The following HS6ST3 variants were observed in gnomAD, a reference collection of about 807,000 sequenced individuals.
HS6ST3 encodes heparan sulfate 6-O-sulfotransferase 3.
In HS6ST3, 12 loss-of-function variants were observed where a neutral mutation model predicts 36.7. That is an observed-to-expected ratio of 0.33 (90% CI 0.21 to 0.53). The LOEUF (loss-of-function observed/expected upper bound fraction) is 0.53. HS6ST3 is among the 20% of genes least tolerant of loss of function. HS6ST3 has a pLI of 0.95. For missense variants in HS6ST3, 584 were observed against 640.9 expected, an observed-to-expected ratio of 0.91 and a Z score of 0.96; for synonymous variants, 240 against 257.5, an observed-to-expected ratio of 0.93 and a Z score of 0.65.
chr13:96,784,498 A>G (rs1877595920), intron 1 of HS6ST3, among the ~76,000 whole-genome samples: 1 of 152,240 alleles, frequency 6.6e-6, no homozygotes. Flanking sequence ...GTGTTCAACA[A>G]GAGCATGATA....
At chr13:96,350,893 A>T (rs891855789) in intron 1 of HS6ST3, among the ~76,000 whole-genome samples, 1 of 152,216 alleles carries the variant, frequency 6.6e-6, no homozygotes, top group Non-Finnish European at 1.5e-5. Flanking sequence ...CTTCCTGTCC[A>T]TCCAATTTCA....
intron 1 of HS6ST3, among the ~76,000 whole-genome samples, chr13:96,093,400 T>G (rs2053774741): frequency 6.6e-6 from 1 of 152,180 alleles, no homozygotes; most frequent in African/African-American, 2.4e-5. Context: ...AGGAAATACT[T>G]AATATCTCTA....
chr13:96,362,698 A>G (rs2055244209), intron 1 of HS6ST3, among the ~76,000 whole-genome samples: 1 of 152,230 alleles, frequency 6.6e-6, no homozygotes, highest in East Asian at 1.9e-4. Context: ...AAAAACCTGC[A>G]CATGAATTTT....
At chr13:96,256,854 A>G (rs7987636) in intron 1 of HS6ST3, among the ~76,000 whole-genome samples, 86,307 of 151,812 alleles carry the variant, frequency 0.57, 24,873 homozygotes, top group Admixed American at 0.67. Context: ...AACCAGTATC[A>G]TTTTGAGAGT....
At chr13:96,204,266 A>G (rs2054358411) in intron 1 of HS6ST3, among the ~76,000 whole-genome samples, 1 of 152,226 alleles carries the variant, frequency 6.6e-6, no homozygotes, top group East Asian at 1.9e-4. Flanking sequence ...AGAGCATAAC[A>G]TAATGGTAAA....
At chr13:96,202,047 C>A (rs1427806599) in intron 1 of HS6ST3, among the ~76,000 whole-genome samples, 2 of 152,124 alleles carry the variant, frequency 1.3e-5, no homozygotes, top group Non-Finnish European at 2.9e-5. Flanking sequence ...TAATATAGAT[C>A]TGTTTTAAAA....
intron 1 of HS6ST3, among the ~76,000 whole-genome samples, chr13:96,094,684 A>G (rs966885882): frequency 2.0e-5 from 3 of 152,146 alleles, no homozygotes; most frequent in Non-Finnish European, 2.9e-5. Flanking sequence ...AAAGAAATAC[A>G]TGGCAAACTT....
chr13:96,500,111 A>G (rs922767554), intron 1 of HS6ST3, among the ~76,000 whole-genome samples: 11 of 152,070 alleles, frequency 7.2e-5, no homozygotes, highest in African/African-American at 2.7e-4. Context: ...TCCTCTGGCA[A>G]CCACCGATCG....
chr13:96,563,933 C>G (rs185238417), intron 1 of HS6ST3, among the ~76,000 whole-genome samples: 3 of 152,276 alleles, frequency 2.0e-5, no homozygotes, highest in Non-Finnish European at 4.4e-5. Context: ...CTAGACTTTT[C>G]TCCCGCTTCT....
At chr13:96,755,508 G>GTGCCA (rs1421940552) in intron 1 of HS6ST3, among the ~76,000 whole-genome samples, 1 of 152,054 alleles carries the variant, frequency 6.6e-6, no homozygotes, top group African/African-American at 2.4e-5. Context: ...GAGATTACAG[G>GTGCCA]TGCCAGCCAC....
rs537081625 is a variant in HS6ST3, at chr13:96,665,403, A to C, written c.708-167087A>C. ...CAGTCTAGTAGTGAAGGAGTACTAA[A>C]AATAGGAAAATAACTAACTCATTTT... On this transcript the variant is annotated intron_variant, in intron 1 of 1. Transcript: ENST00000376705. Among the ~76,000 whole-genome samples the C allele has an allele frequency of 2.6e-5, 4 of 152,274 alleles. No individual in the cohort carries two copies. In the East Asian group the frequency reaches 7.7e-4, roughly 29 times the overall value.
chr13:96,565,926 G>C (rs1376374367), intron 1 of HS6ST3, among the ~76,000 whole-genome samples: 1 of 152,094 alleles, frequency 6.6e-6, no homozygotes, highest in Non-Finnish European at 1.5e-5. Context: ...GAAATATACA[G>C]ACAGAGGAAA....
chr13:96,094,056 C>A (rs1451976875), intron 1 of HS6ST3, among the ~76,000 whole-genome samples: 1 of 152,124 alleles, frequency 6.6e-6, no homozygotes, highest in African/African-American at 2.4e-5. Context: ...GAGATCAATG[C>A]CCTTATGGAT....
intron 1 of HS6ST3, among the ~76,000 whole-genome samples, chr13:96,502,374 T>TC (rs397783925): frequency 1.3e-5 from 2 of 151,156 alleles, no homozygotes; most frequent in African/African-American, 2.4e-5. Context: ...TTTTTTTTTT[T>TC]CATCTGGCAG....
At chr13:96,512,444 T>A (rs1217620218) in intron 1 of HS6ST3, among the ~76,000 whole-genome samples, 1 of 152,226 alleles carries the variant, frequency 6.6e-6, no homozygotes, top group Non-Finnish European at 1.5e-5. Context: ...TTGGAACTCT[T>A]GATTGTGGCT....
chr13:96,269,870 G>A (rs181832961), intron 1 of HS6ST3, among the ~76,000 whole-genome samples: 8 of 151,924 alleles, frequency 5.3e-5, no homozygotes, highest in South Asian at 4.1e-4. Flanking sequence ...TTGTCTTTTC[G>A]TTGAGCCCAG....
chr13:96,792,990 A>G (rs1347923443), intron 1 of HS6ST3, among the ~76,000 whole-genome samples: 1 of 152,026 alleles, frequency 6.6e-6, no homozygotes, highest in Non-Finnish European at 1.5e-5. Flanking sequence ...GAGATGACTA[A>G]CAGTTGCTTC....
chr13:96,717,901 A>G lies in HS6ST3; in HGVS notation c.708-114589A>G, dbSNP rs201800204. On this transcript the variant is annotated intron_variant, in intron 1 of 1. Coordinates refer to ENST00000376705, the MANE Select transcript of HS6ST3 (RefSeq NM_153456.4). ...CATCACTTGTCTATATATCTAAAAT[A>G]AAATATACTCAGAGATGTGATATCC... 3.3e-5 allele frequency among the ~76,000 whole-genome samples: 5 copies of G among 152,334 alleles called. No individual in the cohort carries two copies. In the East Asian group the frequency reaches 9.7e-4, roughly 29 times the overall value.
intron 1 of HS6ST3, among the ~76,000 whole-genome samples, chr13:96,094,330 T>C (rs1290165500): frequency 6.6e-6 from 1 of 152,214 alleles, no homozygotes; most frequent in Non-Finnish European, 1.5e-5. Flanking sequence ...AATACTGCAA[T>C]ATCAGTTGTT....
Sources: gnomAD v4.1 joint callset for allele counts (sites outside exome capture counted in the v4.1 genomes callset) on GRCh38, gnomAD v4.1.1 for gene constraint, MANE v1.5 for transcripts, NCBI Gene and HGNC (gene_info 2026-07-23, HGNC 2026-07-21) for gene names.